The following ALK variants were observed in gnomAD, a reference collection of about 807,000 sequenced individuals.
ALK encodes ALK tyrosine kinase receptor.
In ALK, 74 loss-of-function variants were observed where a neutral mutation model predicts 163.1. That is an observed-to-expected ratio of 0.45 (90% CI 0.38 to 0.55). The LOEUF is 0.55. Among genes scored for constraint, ALK ranks in the 20% least tolerant of loss-of-function variants. The probability of loss-of-function intolerance (pLI) is 0.00; values close to 1 mark genes in which losing one functional copy is unlikely to be tolerated. For missense variants in ALK, 2,063 were observed against 2,105.3 expected (o/e 0.98, Z 0.39); for synonymous variants, 960 against 843.2 (o/e 1.14, Z -2.40).
intron 8 of ALK, among the ~76,000 whole-genome samples, chr2:29,315,528 T>C (rs1285935196): frequency 2.0e-5 from 3 of 152,178 alleles, no homozygotes; most frequent in African/African-American, 4.8e-5. Flanking sequence ...TCAGTCACAA[T>C]TGGCAAGCAC....
intron 24 of ALK, among the ~76,000 whole-genome samples, chr2:29,212,435 TA>T (rs1669490269): frequency 6.6e-6 from 1 of 152,136 alleles, no homozygotes; most frequent in Admixed American, 6.5e-5. Context: ...GAGCAGATGG[TA>T]AAGCTAGGCC....
At chr2:29,207,355 C>T (rs2148152482) in intron 25 of ALK, 83 bp from the exon 26 acceptor site, 1 of 1,065,324 alleles carries the variant, frequency 9.4e-7, no homozygotes, top group Non-Finnish European at 1.5e-6. Context: ...GAGAAAGTGG[C>T]AACAATATAG....
At chr2:29,241,423 C>T (rs899848883) in intron 12 of ALK, among the ~76,000 whole-genome samples, 16 of 151,864 alleles carry the variant, frequency 1.1e-4, no homozygotes, top group African/African-American at 3.9e-4. Context: ...GGGTGAAAGC[C>T]CCGGGGAAGC....
At chr2:29,542,619 TAAG>T (rs1008957826) in intron 3 of ALK, among the ~76,000 whole-genome samples, 2 of 152,252 alleles carry the variant, frequency 1.3e-5, no homozygotes, top group African/African-American at 4.8e-5. Context: ...TCAGTGTTAC[TAAG>T]AAGAAGTCTA....
intron 1 of ALK, among the ~76,000 whole-genome samples, chr2:29,810,937 A>G (rs7426113): frequency 0.99 from 150,694 of 152,196 alleles, 74,616 homozygotes; most frequent in Middle Eastern, 1. Flanking sequence ...GACACAGTGA[A>G]AAGGCTGCTG....
At chr2:29,384,223 G>A (rs773908974) in intron 4 of ALK, among the ~76,000 whole-genome samples, 1 of 152,178 alleles carries the variant, frequency 6.6e-6, no homozygotes, top group Non-Finnish European at 1.5e-5. Flanking sequence ...TCAAGGAAAT[G>A]TCTTCAAAAC....
At chr2:29,381,679 C>G (rs543091038) in intron 5 of ALK, among the ~76,000 whole-genome samples, 1 of 152,338 alleles carries the variant, frequency 6.6e-6, no homozygotes, top group Non-Finnish European at 1.5e-5. Context: ...GCCCTATTCA[C>G]CTCCTTCAAA....
chr2:29,565,312 C>T (rs1021418814), intron 3 of ALK, among the ~76,000 whole-genome samples: 3 of 152,172 alleles, frequency 2.0e-5, no homozygotes, highest in Non-Finnish European at 4.4e-5. Flanking sequence ...GATTTGAACT[C>T]GGGTCTTCCG....
intron 5 of ALK, among the ~76,000 whole-genome samples, chr2:29,344,049 C>A (rs1667877231): frequency 6.6e-6 from 1 of 152,114 alleles, no homozygotes; most frequent in Non-Finnish European, 1.5e-5. Flanking sequence ...AGGTCTTGGA[C>A]TGACTGGCCA....
rs141104271 is a variant in ALK at position 29,445,392 on chromosome 2, A to G, written c.1155-61533T>C. Among the ~76,000 whole-genome samples the G allele has an allele frequency of 2.4e-3, 365 of 152,356 alleles. 2 individuals carry two copies. The highest frequency in any genetic ancestry group is 8.4e-3 in the African/African-American group (348 of 41,582). On this transcript the variant is annotated intron_variant, in intron 4 of 28. Coordinates refer to ENST00000389048, the MANE Select transcript of ALK (RefSeq NM_004304.5). ...AACTTTCAAATAACTGTCTCAAACT[A>G]TAAAAAGACAATTACTTAGGGCCAG...
chr2:29,806,135 T>G (rs1338402189), intron 1 of ALK, among the ~76,000 whole-genome samples: 1 of 152,166 alleles, frequency 6.6e-6, no homozygotes, highest in Non-Finnish European at 1.5e-5. Context: ...TTCATAGTCT[T>G]CTAACTGTGA....
At chr2:29,749,862 C>A (rs71444434) in intron 1 of ALK, among the ~76,000 whole-genome samples, 1 of 152,214 alleles carries the variant, frequency 6.6e-6, no homozygotes, top group Non-Finnish European at 1.5e-5. Context: ...TCCTGTTCCA[C>A]GGAATAGGAA....
At chr2:29,822,960 C>A (rs1441358349) in intron 1 of ALK, among the ~76,000 whole-genome samples, 4 of 152,204 alleles carry the variant, frequency 2.6e-5, no homozygotes, top group African/African-American at 9.7e-5. Flanking sequence ...CAGACATTGA[C>A]TCCCTTCTCT....
chr2:29,248,286 G>A (rs1458136910), intron 12 of ALK, among the ~76,000 whole-genome samples: 1 of 152,144 alleles, frequency 6.6e-6, no homozygotes, highest in Non-Finnish European at 1.5e-5. Flanking sequence ...GACCAGCCTG[G>A]CCAACATGGT....
At chr2:29,568,927 C>T (rs778772959) in intron 3 of ALK, among the ~76,000 whole-genome samples, 3 of 152,056 alleles carry the variant, frequency 2.0e-5, no homozygotes, top group Non-Finnish European at 2.9e-5. Flanking sequence ...TGACAGTGCA[C>T]TCCCTAAAGT....
chr2:29,917,953 T>C (rs1667879747), intron 1 of ALK, among the ~76,000 whole-genome samples: 1 of 152,240 alleles, frequency 6.6e-6, no homozygotes, highest in South Asian at 2.1e-4. Flanking sequence ...CCAAATGTAC[T>C]GGGCCACTGA....
At chr2:29,206,278 C>A (rs771669105) in intron 26 of ALK, among the ~76,000 whole-genome samples, 5 of 147,108 alleles carry the variant, frequency 3.4e-5, no homozygotes, top group Non-Finnish European at 7.5e-5. Context: ...CTCTCTCGTT[C>A]CCTCCCTCCC....
chr2:29,312,316 C>A (rs1395778162), intron 8 of ALK, among the ~76,000 whole-genome samples: 1 of 151,904 alleles, frequency 6.6e-6, no homozygotes, highest in Non-Finnish European at 1.5e-5. Context: ...TCCTCTCACT[C>A]ATTTCTCCTG....
intron 1 of ALK, among the ~76,000 whole-genome samples, chr2:29,821,217 C>G (rs1665039561): frequency 6.6e-6 from 1 of 152,154 alleles, no homozygotes; most frequent in East Asian, 1.9e-4. Flanking sequence ...GGCGGGTGCT[C>G]TCCCCACCAA....
Sources: allele counts gnomAD v4.1 joint callset (sites outside exome capture counted in the v4.1 genomes callset), GRCh38; gene constraint gnomAD v4.1.1; transcripts MANE v1.5; gene names NCBI Gene and HGNC (gene_info 2026-07-23, HGNC 2026-07-21).